Variants in CR1L observed in about 807,000 individuals in gnomAD.
CR1L encodes the protein complement C3b/C4b receptor 1 like.
CR1L carries 59 observed loss-of-function variants against 62.3 expected under a neutral mutation model. That is an observed-to-expected ratio of 0.95 (90% confidence interval 0.77 to 1.18). The LOEUF is 1.18. CR1L is among the 50% of genes most tolerant of loss of function. CR1L has a pLI of 0.00. For synonymous variants in CR1L, 279 were observed against 248.7 expected (o/e 1.12, Z -1.15); for missense variants, 700 against 702.8 (o/e 1.00, Z 0.04).
rs559277436 is a variant in CR1L at position 207,721,661 on chromosome 1, T to A, written c.1643-1957T>A. Among the ~76,000 whole-genome samples the A allele has an allele frequency of 1.2e-3, 182 of 149,748 alleles. 3 individuals carry two copies. The highest frequency in any genetic ancestry group is 5.5e-4 in the Non-Finnish European group (37 of 67,326). ...ATGCCACAATAAACATACGTGTGCA[T>A]GTGTCTTTATAGCAGCATGATTTAT... On this transcript the variant is annotated intron_variant, in intron 11 of 11. Coordinates refer to ENST00000508064, the MANE Select transcript of CR1L (RefSeq NM_175710.2).
chr1:207,716,532 C>G (rs1384761886), intron 10 of CR1L, among the ~76,000 whole-genome samples: 1 of 151,964 alleles, frequency 6.6e-6, no homozygotes, highest in Non-Finnish European at 1.5e-5. Context: ...AAAATGTTTA[C>G]TTTAATTTGC....
chr1:207,684,861 T>C (rs982197160), intron 4 of CR1L, among the ~76,000 whole-genome samples: 85 of 152,238 alleles, frequency 5.6e-4, no homozygotes, highest in African/African-American at 2.0e-3. Flanking sequence ...TCTCTTTGGA[T>C]AACTTGGGGA....
At chr1:207,677,709 T>C in intron 2 of CR1L, 141 bp downstream of exon 2, 3 of 1,000,378 alleles carry the variant, frequency 3.0e-6, no homozygotes, top group Non-Finnish European at 4.3e-6. Flanking sequence ...TTCTTGTAGA[T>C]CATACCTTGT....
At chr1:207,718,569 C>T (rs1417716983) in intron 11 of CR1L, among the ~76,000 whole-genome samples, 1 of 152,042 alleles carries the variant, frequency 6.6e-6, no homozygotes, top group Admixed American at 6.6e-5. Context: ...TTACAGGCAC[C>T]CACCACCACA....
intron 1 of CR1L, chr1:207,669,594 C>T (rs1022926043): frequency 6.6e-6 from 9 of 1,356,786 alleles, no homozygotes; most frequent in African/African-American, 3.0e-5. Context: ...TGGGGAGGCG[C>T]CCGGGCTGAC....
In CR1L at chr1:207,677,390, T is replaced by A; in HGVS notation, c.99T>A (p.Asp33Glu). The change falls in exon 2 of 12, where the codon GAT becomes GAA. Residue 33 changes from aspartate (D) to glutamate (E), a missense_variant and splice_region_variant. Asp to Glu is a conservative substitution (Grantham distance 45). Transcript: ENST00000508064. ...ALVLLLSSFS[D>E]QCNVPEWLPF... ...TGCTGCTGTGGTCTTGATCCCCAGA[T>A]CAATGCAATGTCCCGGAATGGCTTC... The A allele has an allele frequency of 6.4e-6, 10 of 1,557,452 alleles. No homozygotes were observed. Among genetic ancestry groups the A allele is most frequent in the Non-Finnish European group, 8.7e-6 (10 of 1,146,460 alleles).
At chr1:207,663,621 C>A (rs1663461716) in intron 1 of CR1L, among the ~76,000 whole-genome samples, 1 of 152,230 alleles carries the variant, frequency 6.6e-6, no homozygotes, top group Admixed American at 6.5e-5. Context: ...CCTGCTTCGG[C>A]TCATGCACAG....
intron 11 of CR1L, among the ~76,000 whole-genome samples, chr1:207,717,937 A>C (rs778968860): frequency 6.6e-6 from 1 of 152,140 alleles, no homozygotes; most frequent in Non-Finnish European, 1.5e-5. Context: ...TGGACAGTGA[A>C]GAGAATTGGT....
intron 4 of CR1L, among the ~76,000 whole-genome samples, chr1:207,689,295 C>G (rs1049118265): frequency 6.6e-6 from 1 of 151,980 alleles, no homozygotes; most frequent in Non-Finnish European, 1.5e-5. Context: ...CAAACAAACT[C>G]TGAATTCCTA....
intron 9 of CR1L, among the ~76,000 whole-genome samples, chr1:207,707,109 T>C (rs1392469921): frequency 1.3e-5 from 2 of 152,234 alleles, no homozygotes; most frequent in Non-Finnish European, 2.9e-5. Context: ...AATTCCTAAT[T>C]GGAAAAAATA....
At chr1:207,700,012 T>TTCATAAATAATAAG (rs1349691892) in intron 8 of CR1L, among the ~76,000 whole-genome samples, 3 of 152,170 alleles carry the variant, frequency 2.0e-5, no homozygotes, top group Non-Finnish European at 2.9e-5. Context: ...TGCTGAGAGA[T>TTCATAAATAATAAG]TCATAAATAA....
At chr1:207,684,215 T>G (rs1310487291) in intron 4 of CR1L, among the ~76,000 whole-genome samples, 1 of 152,164 alleles carries the variant, frequency 6.6e-6, no homozygotes, top group Admixed American at 6.5e-5. Context: ...TTCAATAAAC[T>G]TGAAATTATG....
At position 207,699,196 on chromosome 1, in the gene CR1L, T is replaced by C. The variant is rs1664154206; in HGVS notation, c.1150T>C (p.Leu384=). 6.2e-7 allele frequency: 1 copy of C among 1,613,572 alleles called. No individual in the cohort carries two copies. Among genetic ancestry groups the C allele is most frequent in the African/African-American group, 1.3e-5 (1 of 74,900 alleles). ...VDFVCDEGFQ[L]KGSSASYCVL... The stretch of plus-strand genomic sequence containing the variant: ...TCCTATTTTCTTCTTTAGATTTCAA[T>C]TAAAAGGCAGCTCTGCTAGTTACTG... The change falls in exon 8 of 12, where the codon TTA becomes CTA. Residue 384 remains leucine, a synonymous_variant. Coordinates refer to ENST00000508064, the MANE Select transcript of CR1L (RefSeq NM_175710.2).
chr1:207,663,300 G>A (rs538389180), intron 1 of CR1L, among the ~76,000 whole-genome samples: 3 of 152,202 alleles, frequency 2.0e-5, no homozygotes, highest in African/African-American at 7.2e-5. Flanking sequence ...CACCCAGTTC[G>A]AGCTTCCCGC....
intron 1 of CR1L, among the ~76,000 whole-genome samples, chr1:207,653,668 G>A (rs1427675691): frequency 6.6e-6 from 1 of 152,216 alleles, no homozygotes; most frequent in African/African-American, 2.4e-5. Context: ...AGCATCTCAA[G>A]AACAGGCACT....
At chr1:207,719,126 G>T (rs1011629412) in intron 11 of CR1L, among the ~76,000 whole-genome samples, 1 of 95,950 alleles carries the variant, frequency 1.0e-5, no homozygotes, top group African/African-American at 3.9e-5. Context: ...GGGGAGGGGG[G>T]AGGGATAGCA....
intron 1 of CR1L, among the ~76,000 whole-genome samples, chr1:207,649,211 C>T (rs7544931): frequency 0.028 from 4,189 of 152,020 alleles, 196 homozygotes; most frequent in African/African-American, 0.096. Context: ...TTGTAGCTAC[C>T]GGCCAGGGAG....
intron 5 of CR1L, among the ~76,000 whole-genome samples, chr1:207,697,263 T>A (rs757553235): frequency 9.9e-5 from 15 of 152,242 alleles, no homozygotes; most frequent in Non-Finnish European, 1.5e-4. Context: ...ACTTTAGATG[T>A]AAAACAATGA....
chr1:207,657,692 A>G (rs1017744330), intron 1 of CR1L, among the ~76,000 whole-genome samples: 3 of 152,236 alleles, frequency 2.0e-5, no homozygotes, highest in Non-Finnish European at 4.4e-5. Flanking sequence ...AGACTGTAAC[A>G]GACTAATGCT....
Sources: allele counts gnomAD v4.1 joint callset (sites outside exome capture counted in the v4.1 genomes callset), GRCh38; gene constraint gnomAD v4.1.1; transcripts MANE v1.5; gene names NCBI Gene and HGNC (gene_info 2026-07-23, HGNC 2026-07-21).